PBX1: variants seen among roughly 807,000 people sequenced by gnomAD.
PBX1 encodes PBX homeobox 1.
In PBX1, 6 loss-of-function variants were observed where a neutral mutation model predicts 53.4. That is an observed-to-expected ratio of 0.11 (90% CI 0.06 to 0.22). The LOEUF (loss-of-function observed/expected upper bound fraction) is 0.22, where lower values mean the gene tolerates loss of function less well. Ranked by LOEUF, PBX1 falls within the 10% of genes least tolerant of loss-of-function variation. PBX1 has a pLI of 1.00. For synonymous variants in PBX1, 204 were observed against 212.3 expected (o/e 0.96, Z 0.34); for missense variants, 251 against 551.4 (o/e 0.46, Z 5.46).
chr1:164,755,048 T>C (rs1026792931), intron 2 of PBX1, among the ~76,000 whole-genome samples: 26 of 152,210 alleles, frequency 1.7e-4, no homozygotes, highest in African/African-American at 5.8e-4. Flanking sequence ...CCTCTCTCCT[T>C]GGACCTTTGA....
intron 1 of PBX1, among the ~76,000 whole-genome samples, chr1:164,562,275 T>C (rs1653109164): frequency 2.6e-5 from 4 of 152,184 alleles, no homozygotes; most frequent in African/African-American, 9.7e-5. Flanking sequence ...GCATGTGTTT[T>C]GAGTGCCAGA....
chr1:164,695,201 AT>A (rs1662738056), intron 2 of PBX1, among the ~76,000 whole-genome samples: 1 of 152,206 alleles, frequency 6.6e-6, no homozygotes, highest in Non-Finnish European at 1.5e-5. Context: ...GCTCACTTGA[AT>A]TCCCATATGC....
At chr1:164,583,621 A>G (rs1348071056) in intron 2 of PBX1, among the ~76,000 whole-genome samples, 1 of 152,260 alleles carries the variant, frequency 6.6e-6, no homozygotes, top group Non-Finnish European at 1.5e-5. Flanking sequence ...TCCCTGAGAC[A>G]TACGTGTAAA....
chr1:164,758,516 G>A (rs1666642371), intron 2 of PBX1, among the ~76,000 whole-genome samples: 1 of 152,140 alleles, frequency 6.6e-6, no homozygotes, highest in African/African-American at 2.4e-5. Flanking sequence ...CCCCAGCAGA[G>A]GATGGGTGGA....
chr1:164,641,586 G>A (rs1377830949), intron 2 of PBX1: 1 of 152,246 alleles, frequency 6.6e-6, no homozygotes, highest in East Asian at 1.9e-4. Flanking sequence ...TGACTCAGTG[G>A]CCTTCCCTCA....
At chr1:164,655,102 T>G (rs1214699358) in intron 2 of PBX1, among the ~76,000 whole-genome samples, 4 of 75,744 alleles carry the variant, frequency 5.3e-5, no homozygotes, top group African/African-American at 2.2e-4. Context: ...TGATGTGTGT[T>G]TTTTTTTTTT....
At chr1:164,710,638 C>G (rs1164237330) in intron 2 of PBX1, among the ~76,000 whole-genome samples, 2 of 151,898 alleles carry the variant, frequency 1.3e-5, no homozygotes, top group Non-Finnish European at 1.5e-5. Flanking sequence ...CTCAAACTCC[C>G]GAACTCAGGT....
chr1:164,757,063 A>G (rs186534071), intron 2 of PBX1, among the ~76,000 whole-genome samples: 185 of 152,254 alleles, frequency 1.2e-3, no homozygotes, highest in Non-Finnish European at 2.0e-3. Context: ...TGTCAGGAGA[A>G]AGATGCAACA....
At chr1:164,720,815 G>A (rs1346880495) in intron 2 of PBX1, among the ~76,000 whole-genome samples, 1 of 152,178 alleles carries the variant, frequency 6.6e-6, no homozygotes, top group African/African-American at 2.4e-5. Flanking sequence ...GGTGTCCAAT[G>A]GAACATTGCT....
intron 2 of PBX1, among the ~76,000 whole-genome samples, chr1:164,588,165 G>C (rs78139946): frequency 0.019 from 2,909 of 152,266 alleles, 55 homozygotes; most frequent in Non-Finnish European, 0.026. Flanking sequence ...ATCCAGATGC[G>C]GTCAGAGAGG....
chr1:164,679,156 C>T (rs1018660753), intron 2 of PBX1, among the ~76,000 whole-genome samples: 19 of 152,308 alleles, frequency 1.2e-4, no homozygotes, highest in African/African-American at 4.6e-4. Context: ...TCTTAATTAA[C>T]CACATCCAAT....
chr1:164,672,491 G>A (rs1379510655), intron 2 of PBX1, among the ~76,000 whole-genome samples: 1 of 152,098 alleles, frequency 6.6e-6, no homozygotes, highest in Non-Finnish European at 1.5e-5. Context: ...AATAATTTAG[G>A]CCCCAGCTTT....
At chr1:164,622,316 G>A (rs1441239377) in intron 2 of PBX1, among the ~76,000 whole-genome samples, 9 of 152,214 alleles carry the variant, frequency 5.9e-5, no homozygotes, top group South Asian at 2.1e-4. Flanking sequence ...GGATGCTTCC[G>A]GTGGATCTGT....
At chr1:164,581,249 A>T (rs1654597740) in intron 2 of PBX1, among the ~76,000 whole-genome samples, 3 of 142,034 alleles carry the variant, frequency 2.1e-5, no homozygotes, top group South Asian at 2.3e-4. Flanking sequence ...TTTTTTTGAG[A>T]TGGAGTCTCA....
chr1:164,619,284 G>T lies in PBX1; in HGVS notation c.265+55973G>T, dbSNP rs77649626. 4.5e-4 allele frequency among the ~76,000 whole-genome samples: 68 copies of T among 152,214 alleles called. No homozygotes were observed. In the East Asian group the frequency reaches 8.5e-3, roughly 19 times the overall value. On this transcript the variant is annotated intron_variant, in intron 2 of 8. Transcript: ENST00000420696. Reference sequence around the variant, plus strand: ...ATTCCTCCCTGCGCCTAAACTCAGAGCCAGGCAGAGGGTGGGGCATTGGAT... The same window carrying T: ...ATTCCTCCCTGCGCCTAAACTCAGATCCAGGCAGAGGGTGGGGCATTGGAT...
At chr1:164,835,279 G>T (rs1670981144) in intron 8 of PBX1, among the ~76,000 whole-genome samples, 1 of 149,628 alleles carries the variant, frequency 6.7e-6, no homozygotes, top group Non-Finnish European at 1.5e-5. Context: ...TAACACGGTG[G>T]TAAGCTTTAT....
Position 164,776,978 on chromosome 1 carries a change from A to ATG in PBX1, c.266-15516_266-15515insTG, listed in dbSNP as rs144673477. Among the ~76,000 whole-genome samples the ATG allele has an allele frequency of 2.6e-3, 121 of 46,474 alleles. 5 individuals carry two copies. The highest frequency in any genetic ancestry group is 5.4e-3 in the African/African-American group (45 of 8,302). The allele number at this position is 46,474 out of a possible 152,430, so 30.5% of individuals were successfully genotyped here. On this transcript the variant is annotated intron_variant, in intron 2 of 8. Coordinates refer to ENST00000420696, the MANE Select transcript of PBX1 (RefSeq NM_002585.4). The stretch of plus-strand genomic sequence containing the variant: ...GAGAGAGAGAGAGAGAGAGAGAGAG[A>ATG]GGAGGTGTGGGGGGGCGGGGGGCTG...
rs1671673390 is a variant in PBX1 at position 164,848,436 on chromosome 1, CTG to C, written c.*1762_*1763del. ...GAAGTTGATTTTGTTCATATCCAAT[CTG>C]TAAATGCGAAGTCAGGGGAAGTAAT... On this transcript the variant is annotated 3_prime_UTR_variant, in exon 9 of 9. Transcript: ENST00000420696. 1.9e-6 allele frequency: 2 copies of C among 1,056,236 alleles called. No individual in the cohort carries two copies. Among genetic ancestry groups the C allele is most frequent in the Non-Finnish European group, 2.3e-6 (2 of 873,616 alleles). The allele number at this position is 1,056,236 out of a possible 1,614,324, so 65.4% of individuals were successfully genotyped here. A position where few individuals can be genotyped will look rare whatever the true frequency, so the allele number is the denominator to read the frequency against.
Position 164,883,238 on chromosome 1 carries a change from A to G in PBX1, n.258-15950A>G, listed in dbSNP as rs1300371830. Among the ~76,000 whole-genome samples, 5 of 152,168 alleles carry G rather than the reference A, an allele frequency of 3.3e-5. No homozygotes were observed. The South Asian group carries it at 8.3e-4, about 25-fold the overall frequency. On this transcript the variant is annotated intron_variant and non_coding_transcript_variant, in intron 2 of 2. Transcript: ENST00000558796. ...TACTAATTCCACAAGACCCAATTCT[A>G]TGTACCAACATGAGACGATGTTATT... is the stretch of plus-strand genomic sequence containing the variant.
Sources: gnomAD v4.1 joint callset for allele counts (sites outside exome capture counted in the v4.1 genomes callset) on GRCh38, gnomAD v4.1.1 for gene constraint, MANE v1.5 for transcripts, NCBI Gene and HGNC (gene_info 2026-07-23, HGNC 2026-07-21) for gene names.